SGCG: variants seen among roughly 807,000 people sequenced by gnomAD.
The protein encoded by SGCG is sarcoglycan gamma.
In SGCG, 26 loss-of-function variants were observed where a neutral mutation model predicts 29.3. That is an observed-to-expected ratio of 0.89 (90% confidence interval 0.65 to 1.23). The LOEUF (loss-of-function observed/expected upper bound fraction) is 1.23, where lower values mean the gene tolerates loss of function less well. Ranked by LOEUF, SGCG falls within the 50% of genes most tolerant of loss-of-function variation. The probability of loss-of-function intolerance (pLI) is 0.00; values close to 1 mark genes in which losing one functional copy is unlikely to be tolerated. For synonymous variants in SGCG, 145 were observed against 129.7 expected (o/e 1.12, Z -0.80); for missense variants, 353 against 356.0 (o/e 0.99, Z 0.07).
At chr13:23,260,130 T>C (rs1348161898) in intron 4 of SGCG, among the ~76,000 whole-genome samples, 1 of 152,202 alleles carries the variant, frequency 6.6e-6, no homozygotes, top group Admixed American at 6.5e-5. Context: ...ATCTGTCTAA[T>C]ATTGACAGTG....
In SGCG at chr13:23,324,809, TTC is replaced by T. The variant is rs1883176858; in HGVS notation, c.*274_*275del. 8.9e-6 allele frequency: 4 copies of T among 450,006 alleles called. No homozygotes were observed. Among genetic ancestry groups the T allele is most frequent in the South Asian group, 6.1e-5 (3 of 49,418 alleles). The allele number at this position is 450,006 out of a possible 1,614,324, so 27.9% of individuals were successfully genotyped here. On this transcript the variant is annotated 3_prime_UTR_variant, in exon 8 of 8. Transcript: ENST00000218867. ...TAATTTTCACCGGAACAATTGCGAATTCTCTCTGCCTCGCCTCCCCCTATCTT... is the reference window on the plus strand; with the variant it reads ...TAATTTTCACCGGAACAATTGCGAATTCTCTGCCTCGCCTCCCCCTATCTT...
At chr13:23,271,393 C>T (rs1880871997) in intron 4 of SGCG, among the ~76,000 whole-genome samples, 1 of 151,586 alleles carries the variant, frequency 6.6e-6, no homozygotes, top group Admixed American at 6.6e-5. Context: ...ATAAAATACA[C>T]TAATGATAGC....
intron 4 of SGCG, among the ~76,000 whole-genome samples, chr13:23,258,679 T>G (rs1336389155): frequency 6.6e-6 from 1 of 152,214 alleles, no homozygotes; most frequent in Non-Finnish European, 1.5e-5. Context: ...ATATTGGCTG[T>G]GGGTTTGTCA....
At chr13:23,294,148 G>C (rs1018483167) in intron 5 of SGCG, among the ~76,000 whole-genome samples, 27 of 152,156 alleles carry the variant, frequency 1.8e-4, no homozygotes, top group African/African-American at 6.5e-4. Flanking sequence ...AAAACTCTTT[G>C]CAAGTGGCAG....
At chr13:23,230,588 G>A (rs770362880) in intron 2 of SGCG, among the ~76,000 whole-genome samples, 45 of 152,104 alleles carry the variant, frequency 3.0e-4, no homozygotes, top group Non-Finnish European at 5.6e-4. Context: ...CAGCTTAGGG[G>A]TGCTGTTAAT....
At chr13:23,216,530 T>A (rs1403226975) in intron 2 of SGCG, among the ~76,000 whole-genome samples, 3 of 152,130 alleles carry the variant, frequency 2.0e-5, no homozygotes, top group African/African-American at 7.2e-5. Flanking sequence ...AATTTATTAG[T>A]CTATTATTTT....
At chr13:23,281,894 A>T (rs1407083044) in intron 5 of SGCG, among the ~76,000 whole-genome samples, 2 of 152,198 alleles carry the variant, frequency 1.3e-5, no homozygotes, top group African/African-American at 4.8e-5. Context: ...TCTATGGCCC[A>T]GGGATCCAGA....
intron 3 of SGCG, among the ~76,000 whole-genome samples, chr13:23,235,239 A>G (rs763483705): frequency 1.3e-5 from 2 of 152,136 alleles, no homozygotes; most frequent in African/African-American, 2.4e-5. Flanking sequence ...TATGCCTGTA[A>G]TCCCAGCTAC....
At chr13:23,236,690 CAATAAT>C (rs59049093) in intron 3 of SGCG, among the ~76,000 whole-genome samples, 12 of 151,186 alleles carry the variant, frequency 7.9e-5, no homozygotes, top group African/African-American at 2.7e-4. Context: ...AAAATAATAA[CAATAAT>C]AATAATAATA....
At chr13:23,273,104 A>G (rs148294852) in intron 4 of SGCG, among the ~76,000 whole-genome samples, 105 of 151,276 alleles carry the variant, frequency 6.9e-4, no homozygotes, top group African/African-American at 2.4e-3. Context: ...TTCTGCTTCT[A>G]TCTTTATTAT....
intron 4 of SGCG, among the ~76,000 whole-genome samples, chr13:23,252,161 T>G (rs998771356): frequency 6.6e-6 from 1 of 152,184 alleles, no homozygotes; most frequent in Non-Finnish European, 1.5e-5. Context: ...AATTATATTT[T>G]CTTGATAAAT....
chr13:23,160,847 C>G, the SGCG span, among the ~76,000 whole-genome samples: 1 of 152,170 alleles, frequency 6.6e-6, no homozygotes, highest in Non-Finnish European at 1.5e-5. Context: ...CTTTCCTTCC[C>G]CTGCCCCCTT....
the SGCG span, among the ~76,000 whole-genome samples, chr13:23,168,622 A>C: frequency 5.3e-5 from 8 of 152,354 alleles, no homozygotes; most frequent in South Asian, 1.7e-3. Context: ...ACAATAATGG[A>C]CATTTCCATG....
At position 23,220,233 on chromosome 13, in the gene SGCG, A is replaced by C. The variant is rs571116350; in HGVS notation, c.196-14378A>C. On this transcript the variant is annotated intron_variant, in intron 2 of 7. Transcript: ENST00000218867. The stretch of plus-strand genomic sequence containing the variant: ...TTTGGGAGGCCGAGGCAGGCAGATC[A>C]CCTGAGGTCGGGAGTTTGAGACCAG... Among the ~76,000 whole-genome samples the C allele has an allele frequency of 5.9e-5, 9 of 152,196 alleles. No individual in the cohort carries two copies. The East Asian group carries it at 1.7e-3, about 30-fold the overall frequency.
chr13:23,221,349 AAC>A lies in SGCG; in HGVS notation c.196-13258_196-13257del, dbSNP rs1878649317. Among the ~76,000 whole-genome samples the A allele has an allele frequency of 3.3e-5, 5 of 152,330 alleles. No homozygotes were observed. The South Asian group carries it at 1.0e-3, about 32-fold the overall frequency. Reference sequence around the variant, plus strand: ...AAGTTTTTTTGAATTAGGACTATATAACACAAACTAAAATGCAGAGTCACTTA... The same window carrying A: ...AAGTTTTTTTGAATTAGGACTATATAACAAACTAAAATGCAGAGTCACTTA... On this transcript the variant is annotated intron_variant, in intron 2 of 7. Coordinates refer to ENST00000218867, the MANE Select transcript of SGCG (RefSeq NM_000231.3).
chr13:23,164,787 C>T, the SGCG span, among the ~76,000 whole-genome samples: 1 of 152,168 alleles, frequency 6.6e-6, no homozygotes, highest in Non-Finnish European at 1.5e-5. Flanking sequence ...CGGCCTCCTG[C>T]CAGCCCTGCT....
intron 1 of SGCG, among the ~76,000 whole-genome samples, chr13:23,182,531 A>C (rs1876783003): frequency 6.6e-6 from 1 of 151,028 alleles, no homozygotes; most frequent in Non-Finnish European, 1.5e-5. Flanking sequence ...GACCTACTGC[A>C]GGGCCAGATA....
intron 4 of SGCG, among the ~76,000 whole-genome samples, chr13:23,263,727 T>A (rs1880534062): frequency 6.6e-6 from 1 of 151,896 alleles, no homozygotes; most frequent in African/African-American, 2.4e-5. Context: ...TCCAAGAAAA[T>A]CATTCACCAT....
intron 3 of SGCG, among the ~76,000 whole-genome samples, chr13:23,239,893 A>T (rs1161611149): frequency 7.9e-5 from 12 of 152,202 alleles, no homozygotes. Context: ...AGGCAAAGGA[A>T]ACAAAGAGAA....
Sources: gnomAD v4.1 joint callset for allele counts (sites outside exome capture counted in the v4.1 genomes callset) on GRCh38, gnomAD v4.1.1 for gene constraint, MANE v1.5 for transcripts, NCBI Gene and HGNC (gene_info 2026-07-23, HGNC 2026-07-21) for gene names.